The following TULP2 variants were observed in gnomAD, a reference collection of about 807,000 sequenced individuals.
TULP2 encodes TUB like protein 2.
In TULP2, 64 loss-of-function variants were observed where a neutral mutation model predicts 60.3. That is an observed-to-expected ratio of 1.06 (90% confidence interval 0.87 to 1.31). The LOEUF is 1.31. Among genes scored for constraint, TULP2 ranks in the 50% most tolerant of loss-of-function variants. The pLI is 0.00. For missense variants in TULP2, 652 were observed against 667.0 expected, an observed-to-expected ratio of 0.98 and a Z score of 0.25; for synonymous variants, 267 against 265.4, an observed-to-expected ratio of 1.01 and a Z score of -0.06.
intron 12 of TULP2, among the ~76,000 whole-genome samples, chr19:48,881,376 ATTT>A (rs72139613): frequency 2.2e-5 from 2 of 90,452 alleles, no homozygotes; most frequent in Non-Finnish European, 2.1e-5. Flanking sequence ...CGTCCGGCTA[ATTT>A]TTTTTTTTTT....
chr19:48,895,400 G>A lies in TULP2; in HGVS notation c.315C>T (p.Gly105=). The change falls in exon 5 of 13, where the codon GGC becomes GGT. Residue 105 remains glycine, a synonymous_variant. Coordinates refer to ENST00000221399, the MANE Select transcript of TULP2 (RefSeq NM_003323.3). ...GTVSCGGDGR[G]ERGLPTPRTE... ...TCCGCGGTGTCGGGAGGCCGCGCTCGCCCCTGCCGTCTCCACCACAGCTCA... is the reference window on the plus strand; with the variant it reads ...TCCGCGGTGTCGGGAGGCCGCGCTCACCCCTGCCGTCTCCACCACAGCTCA... 1 of 1,613,860 alleles carries A rather than the reference G, an allele frequency of 6.2e-7. No homozygotes were observed. Among genetic ancestry groups the A allele is most frequent in the Non-Finnish European group, 8.5e-7 (1 of 1,179,884 alleles).
rs1466896 is a variant in TULP2, at chr19:48,881,996, C to T, written c.1447+36G>A. ...TCCGTTCACACCCTAACCCCCACCCCACCTGGCCCGGCTAAACTGGTTTCC... is the reference window on the plus strand; with the variant it reads ...TCCGTTCACACCCTAACCCCCACCCTACCTGGCCCGGCTAAACTGGTTTCC... On this transcript the variant is annotated intron_variant, in intron 12 of 12. Transcript: ENST00000221399. The T allele has an allele frequency of 1.0e-4, 164 of 1,614,068 alleles. 1 individual carries two copies. The South Asian group carries it at 1.7e-3, about 16-fold the overall frequency.
intron 12 of TULP2, 141 bp downstream of exon 12, chr19:48,881,891 T>C: frequency 9.1e-7 from 1 of 1,094,960 alleles, no homozygotes; most frequent in Non-Finnish European, 1.3e-6. Flanking sequence ...TAAACTACAA[T>C]TCCCAATAGG....
At position 48,888,147 on chromosome 19, in the gene TULP2, C is replaced by T. The variant is rs8112811; in HGVS notation, c.751G>A (p.Asp251Asn). The change falls in exon 8 of 13, where the codon GAC becomes AAC. Residue 251 changes from aspartate to asparagine, a missense_variant. Coordinates refer to ENST00000221399, the MANE Select transcript of TULP2 (RefSeq NM_003323.3). ...ALKGEGGTDSDHMRHEASLAI... is the reference protein window; with the variant it reads ...ALKGEGGTDSNHMRHEASLAI... ...AAGGAGGCTTCGTGCCTCATATGGT[C>T]GCTGTCCGTGCCACCCTCGCCTTTC... The T allele has an allele frequency of 0.14, 218,560 of 1,614,022 alleles. 17,419 individuals carry two copies. The highest frequency in any genetic ancestry group is 0.35 in the African/African-American group (26,368 of 74,956).
intron 6 of TULP2, among the ~76,000 whole-genome samples, chr19:48,889,939 C>A (rs573730161): frequency 1.3e-5 from 2 of 152,354 alleles, no homozygotes; most frequent in East Asian, 3.9e-4. Flanking sequence ...CGGAAGGGCG[C>A]AGGGACCTCT....
At position 48,882,067 on chromosome 19, in the gene TULP2, G is replaced by T. The variant is rs1452250370; in HGVS notation, c.1412C>A (p.Ser471Ter). ...LNFHGRVTRA[S>*]VKNFQIVDPK... ...ATCCACGATTTGGAAGTTCTTCACC[G>T]AAGCCCGAGTGACTCGACCATGGAA... Residue 471 changes from serine (S) to a stop codon, truncating the protein, a stop_gained, in exon 12 of 13, where the codon TCG (serine) becomes TAG (stop). Coordinates refer to ENST00000221399, the MANE Select transcript of TULP2 (RefSeq NM_003323.3). LOFTEE classifies it high-confidence loss of function. 3 of 1,614,060 alleles carry T rather than the reference G, an allele frequency of 1.9e-6. No individual in the cohort carries two copies. Among genetic ancestry groups the T allele is most frequent in the Non-Finnish European group, 2.5e-6 (3 of 1,180,056 alleles).
chr19:48,881,376 A>ATTT lies in TULP2; in HGVS notation c.1448-253_1448-251dup, dbSNP rs72139613. On this transcript the variant is annotated intron_variant, in intron 12 of 12. Coordinates refer to ENST00000221399, the MANE Select transcript of TULP2 (RefSeq NM_003323.3). ...AGGCATGTGCCACCACGTCCGGCTA[A>ATTT]TTTTTTTTTTTTTTTTTTTTTTTGA... Among the ~76,000 whole-genome samples the ATTT allele has an allele frequency of 7.0e-4, 63 of 90,456 alleles. 1 individual carries two copies. Among genetic ancestry groups the ATTT allele is most frequent in the African/African-American group, 2.5e-3 (49 of 19,564 alleles). 59.3% of individuals were successfully genotyped at this position (90,456 alleles called of 152,430 possible).
At chr19:48,894,412 G>A (rs2037260094) in intron 6 of TULP2, among the ~76,000 whole-genome samples, 1 of 152,142 alleles carries the variant, frequency 6.6e-6, no homozygotes, top group Admixed American at 6.5e-5. Flanking sequence ...GGAGGCTGAG[G>A]TGGGTGGATC....
At chr19:48,883,263 G>A (rs925942081) in intron 11 of TULP2, among the ~76,000 whole-genome samples, 9 of 151,374 alleles carry the variant, frequency 5.9e-5, no homozygotes, top group African/African-American at 2.2e-4. Flanking sequence ...AAAGAAGCAG[G>A]AACCCTCAGT....
Position 48,885,431 on chromosome 19 carries a change from G to A in TULP2, c.1061+17C>T, listed in dbSNP as rs746347698. ...CCCTGCTACCTGCTCCTCACCACAT[G>A]TCAGAGCTCTACCCACCTGACTTTG... On this transcript the variant is annotated intron_variant, in intron 9 of 12. Transcript: ENST00000221399. 1 of 1,609,066 alleles carries A rather than the reference G, an allele frequency of 6.2e-7. No individual in the cohort carries two copies. Among genetic ancestry groups the A allele is most frequent in the Middle Eastern group, 1.7e-4 (1 of 6,054 alleles).
rs1427395763 is a variant in TULP2, at chr19:48,897,352, T to TCCAGCTTCTGCAG, written c.64_76dup (p.Glu26AlafsTer12). ...GATTCCTGGGCACAATACCTGCTGT[T>TCCAGCTTCTGCAG]CCAGCTTCTGCAGCCTCATAGCAGC... is the stretch of plus-strand genomic sequence containing the variant. On this transcript the variant is annotated frameshift_variant, in exon 3 of 13. Coordinates refer to ENST00000221399, the MANE Select transcript of TULP2 (RefSeq NM_003323.3). LOFTEE classifies it high-confidence loss of function. The surrounding 1 kb of genome is among the most constrained non-coding windows in gnomAD (Gnocchi z 4.0). The TCCAGCTTCTGCAG allele has an allele frequency of 3.7e-6, 6 of 1,613,738 alleles. No individual in the cohort carries two copies. Among genetic ancestry groups the TCCAGCTTCTGCAG allele is most frequent in the Non-Finnish European group, 5.1e-6 (6 of 1,179,866 alleles).
intron 6 of TULP2, 31 bp downstream of exon 6, chr19:48,894,967 C>T (rs1252214012): frequency 6.3e-7 from 1 of 1,591,964 alleles, no homozygotes; most frequent in East Asian, 2.2e-5. Flanking sequence ...CCAGGAGATC[C>T]CAGGTTTCAC....
intron 7 of TULP2, among the ~76,000 whole-genome samples, chr19:48,889,065 C>T (rs541767734): frequency 6.6e-6 from 1 of 151,992 alleles, no homozygotes; most frequent in Non-Finnish European, 1.5e-5. Context: ...CAACCTCCGC[C>T]TCCCAGGTTC....
intron 6 of TULP2, among the ~76,000 whole-genome samples, chr19:48,891,360 C>T (rs919911932): frequency 1.4e-5 from 2 of 140,264 alleles, no homozygotes; most frequent in East Asian, 2.1e-4. Context: ...GGGCCAGGGG[C>T]GGTGGCTCAT....
intron 7 of TULP2, among the ~76,000 whole-genome samples, chr19:48,888,885 G>T (rs925102112): frequency 6.6e-6 from 1 of 152,042 alleles, no homozygotes; most frequent in Non-Finnish European, 1.5e-5. Flanking sequence ...GCCTTCCAAA[G>T]TGCTGGGATT....
At chr19:48,896,621 G>A in intron 3 of TULP2, 65 bp from the exon 4 acceptor site, 2 of 1,501,172 alleles carry the variant, frequency 1.3e-6, no homozygotes, top group East Asian at 2.4e-5. Context: ...AGTGAGGTGG[G>A]GCCTGGGGCA....
intron 6 of TULP2, among the ~76,000 whole-genome samples, chr19:48,893,249 A>G (rs1340099876): frequency 6.6e-6 from 1 of 152,048 alleles, no homozygotes; most frequent in Non-Finnish European, 1.5e-5. Flanking sequence ...ACGCGCCTGT[A>G]ACCCCAGCTA....
At chr19:48,896,580 G>T in intron 3 of TULP2, 24 bp from the exon 4 acceptor site, 4 of 1,572,854 alleles carry the variant, frequency 2.5e-6, no homozygotes, top group Non-Finnish European at 2.6e-6. Context: ...AGAGGTGGGT[G>T]TCCGGGACAG....
At chr19:48,885,693 G>A in intron 8 of TULP2, 133 bp from the exon 9 acceptor site, 1 of 656,068 alleles carries the variant, frequency 1.5e-6, no homozygotes, top group Non-Finnish European at 2.5e-6. Context: ...AGACCAGCCT[G>A]GCCAACATGG....
Sources: gnomAD v4.1 joint callset for allele counts (sites outside exome capture counted in the v4.1 genomes callset) on GRCh38, gnomAD v4.1.1 for gene constraint, Gnocchi (gnomAD v3.1) non-coding constraint, MANE v1.5 for transcripts, NCBI Gene and HGNC (gene_info 2026-07-23, HGNC 2026-07-21) for gene names.